Variants in BEST3 observed in about 807,000 individuals in gnomAD.
The protein encoded by BEST3 is bestrophin-3.
A neutral mutation model predicts 47.1 loss-of-function variants in BEST3; 50 were observed. The ratio of observed to expected loss-of-function variants is 1.06; its 90% CI spans 0.85 to 1.34. The LOEUF (loss-of-function observed/expected upper bound fraction) is 1.34, where lower values mean the gene tolerates loss of function less well. Among genes scored for constraint, BEST3 ranks in the 40% most tolerant of loss-of-function variants. BEST3 has a pLI of 0.00. For synonymous variants in BEST3, 282 were observed against 298.8 expected (o/e 0.94, Z 0.58); for missense variants, 765 against 817.0 (o/e 0.94, Z 0.78).
At chr12:69,667,875 G>C (rs558940819) in intron 9 of BEST3, among the ~76,000 whole-genome samples, 2 of 152,178 alleles carry the variant, frequency 1.3e-5, no homozygotes, top group South Asian at 4.2e-4. Flanking sequence ...ATAAATAAAC[G>C]AGCACATTCT....
At chr12:69,680,597 G>A (rs550580577) in intron 4 of BEST3, among the ~76,000 whole-genome samples, 3 of 151,974 alleles carry the variant, frequency 2.0e-5, no homozygotes, top group East Asian at 3.9e-4. Context: ...GTGAGCCACC[G>A]CCCCTAGCCG....
Position 69,655,678 on chromosome 12 carries a change from GCTT to G in BEST3, c.1233_1235del (p.Arg411del). 2 of 1,614,000 alleles carry G rather than the reference GCTT, an allele frequency of 1.2e-6. No individual in the cohort carries two copies. Among genetic ancestry groups the G allele is most frequent in the Non-Finnish European group, 1.7e-6 (2 of 1,179,986 alleles). ...AGCTGTCACTTGTCTGCCTCCTGTA[GCTT>G]CTTCTTCTGGGGCTGGAGGGGTGTT... On this transcript the variant is annotated inframe_deletion, in exon 10 of 10. Coordinates refer to ENST00000330891, the MANE Select transcript of BEST3 (RefSeq NM_032735.3).
At chr12:69,675,779 A>C (rs1025415104) in intron 7 of BEST3, among the ~76,000 whole-genome samples, 2 of 152,110 alleles carry the variant, frequency 1.3e-5, no homozygotes, top group Admixed American at 1.3e-4. Context: ...TTTGGAGTAT[A>C]ATTTGAAATA....
intron 4 of BEST3, among the ~76,000 whole-genome samples, chr12:69,679,316 C>T (rs186491748): frequency 3.3e-5 from 5 of 152,338 alleles, no homozygotes; most frequent in East Asian, 1.9e-4. Context: ...ACACATGACT[C>T]ACATGACTTT....
intron 9 of BEST3, among the ~76,000 whole-genome samples, chr12:69,659,112 G>A (rs1883708806): frequency 1.3e-5 from 2 of 152,164 alleles, no homozygotes. Context: ...AGTGCTCTGG[G>A]GGGCAGTTTT....
intron 7 of BEST3, among the ~76,000 whole-genome samples, chr12:69,674,276 A>AGCAGTG (rs1410362916): frequency 6.6e-6 from 1 of 152,164 alleles, no homozygotes; most frequent in Non-Finnish European, 1.5e-5. Flanking sequence ...TAATACTTAG[A>AGCAGTG]GCAGTGTTTT....
At chr12:69,662,168 CA>C (rs1340147591) in intron 9 of BEST3, among the ~76,000 whole-genome samples, 13 of 152,136 alleles carry the variant, frequency 8.5e-5, no homozygotes, top group African/African-American at 3.1e-4. Flanking sequence ...AAACTTAATG[CA>C]CATTCATCTC....
chr12:69,684,674 G>T (rs1265433436), intron 4 of BEST3: 2 of 582,840 alleles, frequency 3.4e-6, no homozygotes, highest in Admixed American at 4.7e-5. Context: ...TTTTCAGGAA[G>T]AGTGCAACGT....
intron 4 of BEST3, chr12:69,689,092 G>A (rs1195155312): frequency 1.0e-6 from 1 of 985,410 alleles, no homozygotes; most frequent in Non-Finnish European, 1.2e-6. Context: ...CCCTCAGGCA[G>A]GAGCAGGTGC....
chr12:69,696,280 ATGT>A, intron 2 of BEST3, among the ~76,000 whole-genome samples: 1 of 152,266 alleles, frequency 6.6e-6, no homozygotes, highest in African/African-American at 2.4e-5. Context: ...TATGCATAAA[ATGT>A]TGTGGGGTAT....
intron 9 of BEST3, among the ~76,000 whole-genome samples, chr12:69,645,273 CT>C (rs1356714623): frequency 6.6e-6 from 1 of 152,162 alleles, no homozygotes; most frequent in Non-Finnish European, 1.5e-5. Context: ...CTAAAGCTCA[CT>C]GAGTTTTTGT....
chr12:69,658,763 A>G (rs1202824284), intron 9 of BEST3, among the ~76,000 whole-genome samples: 1 of 152,202 alleles, frequency 6.6e-6, no homozygotes, highest in Non-Finnish European at 1.5e-5. Context: ...AGGCAGCAGG[A>G]AAGTTTAGGG....
At chr12:69,681,522 TA>T (rs1251366713) in intron 4 of BEST3, among the ~76,000 whole-genome samples, 1 of 151,926 alleles carries the variant, frequency 6.6e-6, no homozygotes, top group Admixed American at 6.6e-5. Flanking sequence ...AGTGTTTCAG[TA>T]AAAAAAATGT....
chr12:69,654,281 A>T lies in BEST3; in HGVS notation c.*626T>A. 1.0e-6 allele frequency: 1 copy of T among 985,012 alleles called. No individual in the cohort carries two copies. Among genetic ancestry groups the T allele is most frequent in the Non-Finnish European group, 1.2e-6 (1 of 829,516 alleles). The allele number at this position is 985,012 out of a possible 1,614,324, so 61.0% of individuals were successfully genotyped here. A position where few individuals can be genotyped will look rare whatever the true frequency, so the allele number is the denominator to read the frequency against. ...AGGGAAGGGAAAAAAAGGATGACAG[A>T]ATAAAAGGAAAAGAGAGAAAAGTAA... On this transcript the variant is annotated 3_prime_UTR_variant, in exon 10 of 10. Transcript: ENST00000330891.
chr12:69,655,700 G>A lies in BEST3; in HGVS notation c.1214C>T (p.Pro405Leu). ...VKRFLSAHEH[P>L]SSPRRRSYRR... ...GTAGCTTCTTCTTCTGGGGCTGGAG[G>A]GGTGTTCGTGGGCACTCAGGAACCG... Residue 405 changes from proline to leucine, a missense_variant, in exon 10 of 10, where the codon CCC becomes CTC. Coordinates refer to ENST00000330891, the MANE Select transcript of BEST3 (RefSeq NM_032735.3). 2 of 1,613,958 alleles carry A rather than the reference G, an allele frequency of 1.2e-6. No individual in the cohort carries two copies. Among genetic ancestry groups the A allele is most frequent in the Non-Finnish European group, 1.7e-6 (2 of 1,179,984 alleles).
chr12:69,679,125 C>T (rs746190824), intron 4 of BEST3, among the ~76,000 whole-genome samples: 15 of 152,086 alleles, frequency 9.9e-5, no homozygotes, highest in Admixed American at 2.0e-4. Flanking sequence ...TATATAAAAT[C>T]CCTGATAGAG....
intron 4 of BEST3, among the ~76,000 whole-genome samples, chr12:69,679,894 T>C (rs1363882613): frequency 1.4e-5 from 2 of 139,052 alleles, no homozygotes; most frequent in Non-Finnish European, 3.1e-5. Context: ...GGTGTGTGTG[T>C]GTGCATGTGT....
chr12:69,644,323 G>T (rs1472933591), intron 9 of BEST3, among the ~76,000 whole-genome samples: 1 of 152,128 alleles, frequency 6.6e-6, no homozygotes, highest in Non-Finnish European at 1.5e-5. Context: ...TTCACAGCTC[G>T]TTAAGAGAAT....
chr12:69,686,708 G>C (rs1266807237), intron 4 of BEST3, among the ~76,000 whole-genome samples: 1 of 139,002 alleles, frequency 7.2e-6, no homozygotes, highest in African/African-American at 2.6e-5. Context: ...GGAGGCAGAG[G>C]TTGCAGTGAG....
Sources: allele counts gnomAD v4.1 joint callset (sites outside exome capture counted in the v4.1 genomes callset), GRCh38; gene constraint gnomAD v4.1.1; transcripts MANE v1.5; gene names NCBI Gene and HGNC (gene_info 2026-07-23, HGNC 2026-07-21).